The following GDF5 variants were observed in gnomAD, a reference collection of about 807,000 sequenced individuals.
GDF5 encodes the protein growth/differentiation factor 5.
In GDF5, 17 loss-of-function variants were observed where a neutral mutation model predicts 34.6. The ratio of observed to expected loss-of-function variants is 0.49; its 90% CI spans 0.34 to 0.74. The LOEUF is 0.74. GDF5 is among the 30% of genes least tolerant of loss of function. GDF5 has a pLI of 0.01. For missense variants in GDF5, 616 were observed against 661.2 expected (o/e 0.93, Z 0.75); for synonymous variants, 332 against 290.7 (o/e 1.14, Z -1.44).
upstream of GDF5, among the ~76,000 whole-genome samples, chr20:35,439,460 C>G (rs1181632235): frequency 2.0e-5 from 3 of 152,112 alleles, no homozygotes; most frequent in Non-Finnish European, 2.9e-5. Context: ...ATCTCCTGAC[C>G]TCGTGATCCG....
chr20:35,453,046 A>C (rs1264707159), intron 1 of GDF5, among the ~76,000 whole-genome samples: 1 of 151,982 alleles, frequency 6.6e-6, no homozygotes, highest in Non-Finnish European at 1.5e-5. Flanking sequence ...TCAGGAGATC[A>C]AGACCATCCT....
intron 1 of GDF5, among the ~76,000 whole-genome samples, chr20:35,448,413 A>AAAAAT (rs1236837477): frequency 1.2e-4 from 12 of 96,478 alleles, no homozygotes; most frequent in African/African-American, 4.8e-4. Flanking sequence ...AAAAAAAAAA[A>AAAAAT]ATATATATAT....
At chr20:35,438,538 T>C (rs1254477813), upstream of GDF5, among the ~76,000 whole-genome samples, 2 of 152,134 alleles carry the variant, frequency 1.3e-5, no homozygotes, top group South Asian at 2.1e-4. Flanking sequence ...GTGAAAAAAA[T>C]CACCGCTGCC....
intron 1 of GDF5, among the ~76,000 whole-genome samples, chr20:35,447,181 C>A (rs899934238): frequency 2.0e-5 from 3 of 152,026 alleles, no homozygotes; most frequent in Admixed American, 6.6e-5. Context: ...TTAGGTATAT[C>A]TCCTAATGCT....
At chr20:35,445,532 C>T (rs186121141) in intron 1 of GDF5, among the ~76,000 whole-genome samples, 30 of 151,904 alleles carry the variant, frequency 2.0e-4, no homozygotes, top group Middle Eastern at 3.4e-3. Context: ...GGCATGGTGG[C>T]GGGCACCTGT....
At chr20:35,447,645 A>G (rs143567753) in intron 1 of GDF5, among the ~76,000 whole-genome samples, 554 of 152,316 alleles carry the variant, frequency 3.6e-3, no homozygotes, top group Non-Finnish European at 6.9e-3. Context: ...CATACATATT[A>G]GGAAGAAAAG....
At chr20:35,453,107 G>A (rs1349730196) in intron 1 of GDF5, among the ~76,000 whole-genome samples, 2 of 152,186 alleles carry the variant, frequency 1.3e-5, no homozygotes, top group African/African-American at 4.8e-5. Flanking sequence ...AAAATTAGCC[G>A]GGCGTGGTGG....
intron 1 of GDF5, among the ~76,000 whole-genome samples, chr20:35,451,051 AAAAAAAAAAAAAAATAT>A (rs1481663662): frequency 1.3e-4 from 5 of 38,658 alleles, no homozygotes; most frequent in African/African-American, 6.3e-4. Flanking sequence ...AGAAAAAAAA[AAAAAAAAAAAAAAATAT>A]ATATATATAT....
intron 1 of GDF5, chr20:35,453,849 G>C (rs2062549013): frequency 1.9e-6 from 1 of 522,420 alleles, no homozygotes; most frequent in South Asian, 1.4e-5. Flanking sequence ...AGCACTTATT[G>C]AGCACCTATT....
rs1272294389 is a variant in GDF5 at position 35,437,815 on chromosome 20, G to T, written c.114C>A (p.Thr38=). The change falls in exon 1 of 2, where the codon ACC becomes ACA. Residue 38 remains threonine (T), a synonymous_variant. Coordinates refer to ENST00000374369, the MANE Select transcript of GDF5 (RefSeq NM_000557.5). ...CCTCTGCTTTGGCCAATCCTGGCCT[G>T]GTCCCCTGGGGTCTCTGGCCCAAGT... The part of the protein sequence containing the change: ...APDLGQRPQG[T]RPGLAKAEAK... The T allele has an allele frequency of 3.7e-6, 6 of 1,613,450 alleles. No homozygotes were observed. The highest frequency in any genetic ancestry group is 5.1e-6 in the Non-Finnish European group (6 of 1,179,748).
Position 35,438,028 on chromosome 20 carries a change from A to G in GDF5, c.-100T>C, listed in dbSNP as rs1347345796. ...ACCATGAAAGGAGTGGACTTTCAAA[A>G]GCAGCGGCAGCAGCAGTAGCAGCAG... On this transcript the variant is annotated 5_prime_UTR_variant, in exon 1 of 2. Coordinates refer to ENST00000374369, the MANE Select transcript of GDF5 (RefSeq NM_000557.5). 13 of 1,310,654 alleles carry G rather than the reference A, an allele frequency of 9.9e-6. No individual in the cohort carries two copies. Among genetic ancestry groups the G allele is most frequent in the Non-Finnish European group, 1.4e-5 (13 of 926,270 alleles). 81.2% of individuals were successfully genotyped at this position (1,310,654 alleles called of 1,614,324 possible). A position where few individuals can be genotyped will look rare whatever the true frequency, so the allele number is the denominator to read the frequency against.
chr20:35,447,843 G>A (rs541588396), intron 1 of GDF5, among the ~76,000 whole-genome samples: 11 of 152,184 alleles, frequency 7.2e-5, no homozygotes, highest in South Asian at 2.1e-4. Context: ...GGCAGGGCAC[G>A]GTGGCTCATG....
upstream of GDF5, chr20:35,438,358 T>TCACACACACA (rs3055779): frequency 0.14 from 22,953 of 159,932 alleles, 2,032 homozygotes; most frequent in Admixed American, 0.17. Context: ...TGAAAATACT[T>TCACACACACA]CACACACACA....
At chr20:35,440,942 T>A (rs1418697581), upstream of GDF5, among the ~76,000 whole-genome samples, 1 of 152,192 alleles carries the variant, frequency 6.6e-6, no homozygotes, top group Non-Finnish European at 1.5e-5. Context: ...CATTTTCTAC[T>A]TTGAGGTGTA....
chr20:35,437,193 G>A, intron 1 of GDF5, 105 bp downstream of exon 1: 1 of 826,426 alleles, frequency 1.2e-6, no homozygotes. Flanking sequence ...CGGGCCAGAT[G>A]CACACAGTGT....
Position 35,437,957 on chromosome 20 carries a change from A to G in GDF5, c.-29T>C, listed in dbSNP as rs2062482128. 1.9e-6 allele frequency: 3 copies of G among 1,613,366 alleles called. No individual in the cohort carries two copies. Among genetic ancestry groups the G allele is most frequent in the Admixed American group, 1.7e-5 (1 of 59,912 alleles). On this transcript the variant is annotated 5_prime_UTR_variant, in exon 1 of 2. Coordinates refer to ENST00000374369, the MANE Select transcript of GDF5 (RefSeq NM_000557.5). ...CTGGCCAGCCGCTGAATGACACCAAAGAGAACAGCGGCAGCAGCGAAGGTG... is the reference window on the plus strand; with the variant it reads ...CTGGCCAGCCGCTGAATGACACCAAGGAGAACAGCGGCAGCAGCGAAGGTG...
Position 35,434,422 on chromosome 20 carries a change from G to A in GDF5, c.993C>T (p.Arg331=), listed in dbSNP as rs1376113590. 2.5e-6 allele frequency: 4 copies of A among 1,613,530 alleles called. No individual in the cohort carries two copies. The highest frequency in any genetic ancestry group is 1.3e-5 in the African/African-American group (1 of 75,054). The change falls in exon 2 of 2, where the codon CGC becomes CGT. Residue 331 remains arginine (R), a synonymous_variant. Transcript: ENST00000374369. ...CTTTCTCGTGGACCTGCCGGGCGGC[G>A]CGGTCGAAGCCCAGGCCACGGAGGT... ...AVDLRGLGFD[R]AARQVHEKAL... is the part of the protein sequence containing the mutation.
At chr20:35,450,773 G>C (rs1230688453) in intron 1 of GDF5, among the ~76,000 whole-genome samples, 2 of 151,774 alleles carry the variant, frequency 1.3e-5, no homozygotes, top group Non-Finnish European at 2.9e-5. Flanking sequence ...GTCTCTTCTT[G>C]CTAGAGTTCA....
At chr20:35,437,271 C>T (rs781480189) in intron 1 of GDF5, 27 bp downstream of exon 1, 10 of 1,513,762 alleles carry the variant, frequency 6.6e-6, no homozygotes, top group African/African-American at 2.7e-5. Flanking sequence ...CCCTCTGAGC[C>T]GTGCCCCTGC....
Sources: allele counts gnomAD v4.1 joint callset (sites outside exome capture counted in the v4.1 genomes callset), GRCh38; gene constraint gnomAD v4.1.1; transcripts MANE v1.5; gene names NCBI Gene and HGNC (gene_info 2026-07-23, HGNC 2026-07-21).